The following MEF2A variants were observed in gnomAD, a reference collection of about 807,000 sequenced individuals.
The protein encoded by MEF2A is myocyte-specific enhancer factor 2A.
Under a neutral mutation model 55.8 loss-of-function variants are expected in MEF2A, and 28 were observed. The ratio of observed to expected loss-of-function variants is 0.50; its 90% CI spans 0.37 to 0.69. The LOEUF (loss-of-function observed/expected upper bound fraction) is 0.69. MEF2A is among the 30% of genes least tolerant of loss of function. MEF2A has a pLI of 0.00. For missense variants in MEF2A, 528 were observed against 626.2 expected, an observed-to-expected ratio of 0.84 and a Z score of 1.67; for synonymous variants, 239 against 227.1, an observed-to-expected ratio of 1.05 and a Z score of -0.47.
Position 99,665,888 on chromosome 15 carries a change from T to TA in MEF2A, c.259-5434dup, listed in dbSNP as rs199551455. On this transcript the variant is annotated intron_variant, in intron 4 of 11. Transcript: ENST00000557942. ...AATGCAAATCAAAACCATCATGAGA[T>TA]ACCATCTCAAGCCAGTTAGAATGGT... Among the ~76,000 whole-genome samples, 1,285 of 152,224 alleles carry TA rather than the reference T, an allele frequency of 8.4e-3. 16 individuals are homozygous for TA. The highest frequency in any genetic ancestry group is 0.028 in the African/African-American group (1,172 of 41,500).
At chr15:99,677,620 C>T (rs1196545795) in intron 7 of MEF2A, among the ~76,000 whole-genome samples, 1 of 152,046 alleles carries the variant, frequency 6.6e-6, no homozygotes, top group African/African-American at 2.4e-5. Flanking sequence ...TCCCAGGAAG[C>T]AAAGTCAGAG....
intron 2 of MEF2A, among the ~76,000 whole-genome samples, chr15:99,605,534 C>T (rs1362291930): frequency 6.6e-6 from 1 of 152,190 alleles, no homozygotes; most frequent in East Asian, 1.9e-4. Flanking sequence ...AACACATTTA[C>T]AGACGTTACA....
chr15:99,609,969 G>A (rs1047218941), intron 2 of MEF2A, among the ~76,000 whole-genome samples: 7 of 151,942 alleles, frequency 4.6e-5, no homozygotes, highest in Admixed American at 3.9e-4. Flanking sequence ...CCATCTTTTA[G>A]CAAAGTAGAC....
intron 1 of MEF2A, among the ~76,000 whole-genome samples, chr15:99,588,548 T>A (rs1052097039): frequency 8.6e-5 from 13 of 151,992 alleles, no homozygotes; most frequent in Non-Finnish European, 5.9e-5. Context: ...TCAGGCAATC[T>A]GGCCATCTCA....
At chr15:99,623,956 C>T (rs2041668306) in intron 2 of MEF2A, among the ~76,000 whole-genome samples, 2 of 151,954 alleles carry the variant, frequency 1.3e-5, no homozygotes, top group African/African-American at 4.8e-5. Flanking sequence ...TACAGGCATG[C>T]ACCACCAACC....
At chr15:99,626,232 T>C (rs2042029789) in intron 2 of MEF2A, among the ~76,000 whole-genome samples, 1 of 152,182 alleles carries the variant, frequency 6.6e-6, no homozygotes, top group Admixed American at 6.5e-5. Flanking sequence ...TTTATCTAGG[T>C]TATCCCAGTT....
intron 1 of MEF2A, among the ~76,000 whole-genome samples, chr15:99,579,657 A>G (rs1965354767): frequency 6.6e-6 from 1 of 152,090 alleles, no homozygotes; most frequent in African/African-American, 2.4e-5. Context: ...CAACCTCCCA[A>G]AGTGCTGGGA....
intron 1 of MEF2A, among the ~76,000 whole-genome samples, chr15:99,577,402 G>A (rs1964633654): frequency 1.9e-5 from 1 of 52,898 alleles, no homozygotes; most frequent in Non-Finnish European, 6.7e-5. Context: ...TGGGCTAGGT[G>A]CTGCAAGGCT....
intron 1 of MEF2A, among the ~76,000 whole-genome samples, chr15:99,597,864 C>T (rs1971763411): frequency 6.6e-6 from 1 of 152,102 alleles, no homozygotes; most frequent in African/African-American, 2.4e-5. Context: ...CATAGACAGC[C>T]ATCAGTCTTC....
At chr15:99,665,782 G>C (rs1439080292) in intron 4 of MEF2A, among the ~76,000 whole-genome samples, 4 of 128,662 alleles carry the variant, frequency 3.1e-5, no homozygotes, top group Non-Finnish European at 5.0e-5. Context: ...TGAAGGATAT[G>C]AACAGACACT....
chr15:99,706,570 T>C lies in MEF2A; in HGVS notation c.883-159T>C, dbSNP rs566594009. ...AATAGGACCCTTCAAATTAAATATT[T>C]AGTTATTCTCACTAGTATTTTTGAA... On this transcript the variant is annotated intron_variant, in intron 9 of 11. Transcript: ENST00000557942. The C allele has an allele frequency of 5.8e-6, 4 of 693,118 alleles. No individual in the cohort carries two copies. In the Admixed American group the frequency reaches 1.1e-4, roughly 19 times the overall value. The allele number at this position is 693,118 out of a possible 1,614,324, so 42.9% of individuals were successfully genotyped here.
rs543719702 is a variant in MEF2A, at chr15:99,687,736, G to A, written c.671-2505G>A. ...AATTTTGTGTGGTTACCTCTAGTTT[G>A]CCCATATTGTGAGTATAATTTTGGT... On this transcript the variant is annotated intron_variant, in intron 7 of 11. Transcript: ENST00000557942. Among the ~76,000 whole-genome samples, 37 of 152,234 alleles carry A rather than the reference G, an allele frequency of 2.4e-4. No individual in the cohort carries two copies. The South Asian group carries it at 7.2e-3, about 30-fold the overall frequency.
intron 1 of MEF2A, among the ~76,000 whole-genome samples, chr15:99,577,673 TG>T (rs140379495): frequency 0.046 from 6,977 of 152,312 alleles, 531 homozygotes; most frequent in African/African-American, 0.16. Flanking sequence ...TTTCTTCTAA[TG>T]GTGTTTATCT....
At chr15:99,662,060 A>G (rs903351196) in intron 4 of MEF2A, among the ~76,000 whole-genome samples, 4 of 152,344 alleles carry the variant, frequency 2.6e-5, no homozygotes, top group African/African-American at 7.2e-5. Flanking sequence ...AAATAGGCAT[A>G]GCTAAATTAT....
chr15:99,618,549 A>G lies in MEF2A; in HGVS notation c.-142-14429A>G, dbSNP rs1393925188. ...ATAACTGTGCAGTGGTTATCTTTAT[A>G]TTAGAGAATATTCTTCTTAGGAAAT... On this transcript the variant is annotated intron_variant, in intron 2 of 11. Transcript: ENST00000557942. Among the ~76,000 whole-genome samples, 4 of 152,202 alleles carry G rather than the reference A, an allele frequency of 2.6e-5. No individual in the cohort carries two copies. The East Asian group carries it at 7.7e-4, about 29-fold the overall frequency.
Position 99,714,280 on chromosome 15 carries a change from G to T in MEF2A, c.*1509G>T, listed in dbSNP as rs2058942260. The T allele has an allele frequency of 6.6e-6, 1 of 152,154 alleles. No homozygotes were observed. The highest frequency in any genetic ancestry group is 2.1e-4 in the South Asian group (1 of 4,834). 9.4% of individuals were successfully genotyped at this position (152,154 alleles called of 1,614,324 possible). The stretch of plus-strand genomic sequence containing the variant: ...AACTTGCCTTTTGTGAGGAAAAAAT[G>T]TAGTAGAAAAAGCTGACCTAATTTA... On this transcript the variant is annotated 3_prime_UTR_variant, in exon 12 of 12. Transcript: ENST00000557942.
At chr15:99,702,026 C>T (rs1419939088) in intron 8 of MEF2A, among the ~76,000 whole-genome samples, 4 of 152,236 alleles carry the variant, frequency 2.6e-5, no homozygotes, top group Admixed American at 2.6e-4. Context: ...GAACTATTTA[C>T]ACGCTTATTC....
chr15:99,607,559 A>G (rs953533758), intron 2 of MEF2A, among the ~76,000 whole-genome samples: 1 of 152,182 alleles, frequency 6.6e-6, no homozygotes, highest in Non-Finnish European at 1.5e-5. Flanking sequence ...GTATGATTTA[A>G]TTATTTGTAA....
intron 2 of MEF2A, among the ~76,000 whole-genome samples, chr15:99,616,189 T>C (rs2040167217): frequency 6.6e-6 from 1 of 152,164 alleles, no homozygotes; most frequent in African/African-American, 2.4e-5. Flanking sequence ...AAATAATAGG[T>C]ATTTTACGTG....
Sources: allele counts gnomAD v4.1 joint callset (sites outside exome capture counted in the v4.1 genomes callset), GRCh38; gene constraint gnomAD v4.1.1; transcripts MANE v1.5; gene names NCBI Gene and HGNC (gene_info 2026-07-23, HGNC 2026-07-21).